Variants in OPHN1 observed in about 807,000 individuals in gnomAD.
OPHN1 encodes oligophrenin-1.
Under a neutral mutation model 60.7 loss-of-function variants are expected in OPHN1, and 11 were observed. The ratio of observed to expected loss-of-function variants is 0.18; its 90% CI spans 0.11 to 0.30. The LOEUF (loss-of-function observed/expected upper bound fraction) is 0.30. Among genes scored for constraint, OPHN1 ranks in the 10% least tolerant of loss-of-function variants. The pLI is 1.00. For missense variants in OPHN1, 449 were observed against 611.0 expected, an observed-to-expected ratio of 0.73 and a Z score of 2.80; for synonymous variants, 226 against 222.6, an observed-to-expected ratio of 1.02 and a Z score of -0.14.
At chrX:68,246,053 C>A (rs965945068) in intron 5 of OPHN1, among the ~76,000 whole-genome samples, 1 of 111,477 alleles carries the variant, frequency 9.0e-6, no homozygotes, top group African/African-American at 3.3e-5. Context: ...GATCCACCCA[C>A]CTCGGCCTCT....
intron 15 of OPHN1, among the ~76,000 whole-genome samples, chrX:68,165,526 T>C (rs2077354195): frequency 9.0e-6 from 1 of 111,559 alleles, no homozygotes; most frequent in African/African-American, 3.3e-5. Flanking sequence ...TAGCGTGGTT[T>C]GTGGCACCCT....
intron 5 of OPHN1, among the ~76,000 whole-genome samples, chrX:68,267,278 G>C (rs2077935641): frequency 9.0e-6 from 1 of 111,566 alleles, no homozygotes. Context: ...ATAGTTGGAA[G>C]TAAAGCACTC....
At chrX:68,254,384 C>T (rs1481242685) in intron 5 of OPHN1, among the ~76,000 whole-genome samples, 1 of 111,073 alleles carries the variant, frequency 9.0e-6, no homozygotes, top group Non-Finnish European at 1.9e-5. Flanking sequence ...TTTCTCTTTC[C>T]TGCCCTTTGA....
At chrX:68,343,502 A>G (rs2078364965) in intron 2 of OPHN1, among the ~76,000 whole-genome samples, 1 of 111,238 alleles carries the variant, frequency 9.0e-6, no homozygotes, top group Non-Finnish European at 1.9e-5. Flanking sequence ...AAAATAGGCA[A>G]ATCAAATCTA....
chrX:68,071,109 G>C (rs878905918), intron 20 of OPHN1: 2 of 1,026,131 alleles, frequency 1.9e-6, no homozygotes, highest in African/African-American at 3.7e-5. Flanking sequence ...TATTGATCAG[G>C]TGGATCTTGT....
intron 5 of OPHN1, among the ~76,000 whole-genome samples, chrX:68,252,526 A>G (rs750704320): frequency 5.2e-4 from 58 of 111,904 alleles, no homozygotes; most frequent in African/African-American, 1.8e-3. Flanking sequence ...TTCCTGCCTC[A>G]GTTTCCTCAC....
intron 2 of OPHN1, among the ~76,000 whole-genome samples, chrX:68,309,127 A>G (rs763655053): frequency 1.8e-5 from 2 of 110,958 alleles, no homozygotes; most frequent in Admixed American, 1.9e-4. Context: ...CCCTTTGAGA[A>G]TATAAAAAAT....
intron 6 of OPHN1, among the ~76,000 whole-genome samples, chrX:68,221,882 T>A (rs1243175224): frequency 1.1e-5 from 1 of 89,318 alleles, no homozygotes; most frequent in Non-Finnish European, 2.2e-5. Flanking sequence ...GGACTTCATG[T>A]CTAAAACACC....
intron 15 of OPHN1, among the ~76,000 whole-genome samples, chrX:68,136,873 T>C (rs1265858834): frequency 5.4e-5 from 6 of 111,781 alleles, no homozygotes; most frequent in African/African-American, 2.0e-4. Flanking sequence ...GACAAGTAAA[T>C]ATGTGTAAAA....
chrX:68,173,713 A>T (rs758369635), intron 15 of OPHN1, among the ~76,000 whole-genome samples: 1 of 111,333 alleles, frequency 9.0e-6, no homozygotes, highest in Non-Finnish European at 1.9e-5. Flanking sequence ...ATGAACAAAT[A>T]TGGTACATTA....
intron 15 of OPHN1, among the ~76,000 whole-genome samples, chrX:68,184,893 T>C (rs1305279132): frequency 2.7e-5 from 3 of 112,317 alleles, no homozygotes; most frequent in African/African-American, 9.7e-5. Flanking sequence ...ACTATCCCCA[T>C]GAATGGTTTT....
rs781257632 is a variant in OPHN1, at chrX:68,210,297, T to A, written c.703-15A>T. 4.2e-6 allele frequency: 5 copies of A among 1,191,374 alleles called. No homozygotes were observed. In the African/African-American group the frequency reaches 7.0e-5, roughly 17 times the overall value. ...TGATTTCTTGTCTGTCAAGACATCATCATGAAAATCATTATTATCATCATC... is the reference window on the plus strand; with the variant it reads ...TGATTTCTTGTCTGTCAAGACATCAACATGAAAATCATTATTATCATCATC... On this transcript the variant is annotated splice_polypyrimidine_tract_variant and intron_variant, in intron 8 of 24. Coordinates refer to ENST00000355520, the MANE Select transcript of OPHN1 (RefSeq NM_002547.3).
Position 68,072,965 on chromosome X carries a change from A to G in OPHN1, c.1834+187T>C, listed in dbSNP as rs180912287. On this transcript the variant is annotated intron_variant, in intron 20 of 24. Transcript: ENST00000355520. Reference sequence around the variant, plus strand: ...TCCTTTACAAGCTCATCACCATCCTATCTGCTGTCAAAGGCTTAATCCCCT... The same window carrying G: ...TCCTTTACAAGCTCATCACCATCCTGTCTGCTGTCAAAGGCTTAATCCCCT... Among the ~76,000 whole-genome samples, 432 of 111,454 alleles carry G rather than the reference A, an allele frequency of 3.9e-3. 1 individual carries two copies. The highest frequency in any genetic ancestry group is 5.2e-3 in the Non-Finnish European group (276 of 53,089).
intron 16 of OPHN1, among the ~76,000 whole-genome samples, chrX:68,114,364 G>A (rs2077118549): frequency 9.0e-6 from 1 of 111,035 alleles, no homozygotes; most frequent in Admixed American, 9.6e-5. Context: ...GCTAATAAGT[G>A]GCAGAAGCAG....
chrX:68,101,633 C>T (rs1416742923), intron 18 of OPHN1, among the ~76,000 whole-genome samples: 1 of 112,129 alleles, frequency 8.9e-6, no homozygotes, highest in Non-Finnish European at 1.9e-5. Context: ...ACATTATCTC[C>T]AACCAACACC....
At position 68,274,744 on chromosome X, in the gene OPHN1, G is replaced by A; in HGVS notation, c.378C>T (p.Phe126=). 1 of 1,194,191 alleles carries A rather than the reference G, an allele frequency of 8.4e-7. No individual in the cohort carries two copies. Among genetic ancestry groups the A allele is most frequent in the Non-Finnish European group, 1.1e-6 (1 of 880,315 alleles). The change falls in exon 5 of 25, where the codon TTC becomes TTT. Residue 126 remains phenylalanine (F), a synonymous_variant. Coordinates refer to ENST00000355520, the MANE Select transcript of OPHN1 (RefSeq NM_002547.3). ...GCATATACAGAAAATGTACCTTGGTGAAGCCTATTTGTTCCTTCCGGAAAT... is the reference window on the plus strand; with the variant it reads ...GCATATACAGAAAATGTACCTTGGTAAAGCCTATTTGTTCCTTCCGGAAAT... The part of the protein sequence containing the change: ...LENFRKEQIG[F]TKERKKKFEK...
At chrX:68,213,397 G>A (rs773946579) in intron 7 of OPHN1, among the ~76,000 whole-genome samples, 1 of 110,698 alleles carries the variant, frequency 9.0e-6, no homozygotes, top group Non-Finnish European at 1.9e-5. Flanking sequence ...TACACAAAAC[G>A]AAGTAAATGG....
At chrX:68,227,180 A>G (rs1352414838) in intron 6 of OPHN1, among the ~76,000 whole-genome samples, 2 of 112,113 alleles carry the variant, frequency 1.8e-5, no homozygotes, top group East Asian at 2.8e-4. Context: ...ATAATGGTAA[A>G]GGAATCAATT....
chrX:68,078,598 C>A (rs1020269090), intron 19 of OPHN1, among the ~76,000 whole-genome samples: 1 of 111,265 alleles, frequency 9.0e-6, no homozygotes, highest in African/African-American at 3.3e-5. Context: ...TAGAAGACAT[C>A]CTTGCTGAGC....
Sources: allele counts gnomAD v4.1 joint callset (sites outside exome capture counted in the v4.1 genomes callset), GRCh38; gene constraint gnomAD v4.1.1; transcripts MANE v1.5; gene names NCBI Gene and HGNC (gene_info 2026-07-23, HGNC 2026-07-21).